The following GATM variants were observed in gnomAD, a reference collection of about 807,000 sequenced individuals.
The protein encoded by GATM is glycine amidinotransferase, mitochondrial.
Under a neutral mutation model 54.2 loss-of-function variants are expected in GATM, and 23 were observed. That is an observed-to-expected ratio of 0.42 (90% confidence interval 0.31 to 0.60). The LOEUF is 0.60. Among genes scored for constraint, GATM ranks in the 20% least tolerant of loss-of-function variants. The probability of loss-of-function intolerance (pLI) is 0.14; values close to 1 mark genes in which losing one functional copy is unlikely to be tolerated. For missense variants in GATM, 401 were observed against 544.9 expected, an observed-to-expected ratio of 0.74 and a Z score of 2.63; for synonymous variants, 168 against 183.1, an observed-to-expected ratio of 0.92 and a Z score of 0.67.
intron 3 of GATM, among the ~76,000 whole-genome samples, chr15:45,386,174 C>T (rs145982921): frequency 1.3e-5 from 2 of 152,178 alleles, no homozygotes; most frequent in East Asian, 1.9e-4. Flanking sequence ...GAAAAATAAC[C>T]GAATATGAAA....
At chr15:45,376,578 A>G in intron 2 of GATM, 23 bp downstream of exon 2, 1 of 1,608,660 alleles carries the variant, frequency 6.2e-7, no homozygotes. Context: ...GCACTTTCAG[A>G]CATGTGAATA....
At chr15:45,397,919 G>A (rs1044045529) in intron 2 of GATM, among the ~76,000 whole-genome samples, 1 of 152,174 alleles carries the variant, frequency 6.6e-6, no homozygotes, top group Non-Finnish European at 1.5e-5. Context: ...TGATATGTGG[G>A]GAACTCCCCA....
intron 3 of GATM, among the ~76,000 whole-genome samples, chr15:45,394,265 G>T (rs949139496): frequency 1.3e-5 from 2 of 152,180 alleles, no homozygotes; most frequent in African/African-American, 4.8e-5. Context: ...GATCTAGGTT[G>T]TGCGTTCCTT....
chr15:45,366,619 A>C (rs996871292), intron 4 of GATM, 111 bp from the exon 5 acceptor site: 3 of 1,207,148 alleles, frequency 2.5e-6, no homozygotes, highest in Non-Finnish European at 3.6e-6. Flanking sequence ...AAATATTACT[A>C]CTCAGTTCTA....
At chr15:45,363,604 C>A in intron 8 of GATM, 1 of 504,976 alleles carries the variant, frequency 2.0e-6, no homozygotes. Context: ...TATCTGCTCA[C>A]CTGCAAAGGG....
chr15:45,372,030 G>A (rs1889552415), intron 2 of GATM, among the ~76,000 whole-genome samples: 1 of 152,144 alleles, frequency 6.6e-6, no homozygotes, highest in Non-Finnish European at 1.5e-5. Flanking sequence ...TAAGGAATAA[G>A]CCAAGAAACA....
At chr15:45,362,263 T>A (rs368755000) in intron 8 of GATM, 42 bp from the exon 9 acceptor site, 17 of 1,214,028 alleles carry the variant, frequency 1.4e-5, no homozygotes, top group Non-Finnish European at 2.1e-5. Flanking sequence ...TGGACTAACA[T>A]GACGATTCTC....
chr15:45,388,761 G>A (rs1595489290), intron 3 of GATM, among the ~76,000 whole-genome samples: 1 of 152,040 alleles, frequency 6.6e-6, no homozygotes, highest in African/African-American at 2.4e-5. Flanking sequence ...TATCACTGAT[G>A]GTATTAACCC....
Position 45,363,943 on chromosome 15 carries a change from C to T in GATM, c.1116G>A (p.Val372=), listed in dbSNP as rs780523679. Residue 372 remains valine, a synonymous_variant, in exon 8 of 9, where the codon GTG becomes GTA. Coordinates refer to ENST00000396659, the MANE Select transcript of GATM (RefSeq NM_001482.3). ...TTTGAATTGGAACTTCATTGGCATCCACCATAACACGTTTTTCATCTAGCA... is the reference window on the plus strand; with the variant it reads ...TTTGAATTGGAACTTCATTGGCATCTACCATAACACGTTTTTCATCTAGCA... ...VLMLDEKRVM[V]DANEVPIQKM... The T allele has an allele frequency of 6.2e-7, 1 of 1,613,524 alleles. No homozygotes were observed. Among genetic ancestry groups the T allele is most frequent in the Non-Finnish European group, 8.5e-7 (1 of 1,179,712 alleles).
chr15:45,393,728 C>G (rs912385869), intron 3 of GATM, among the ~76,000 whole-genome samples: 1 of 152,144 alleles, frequency 6.6e-6, no homozygotes, highest in African/African-American at 2.4e-5. Flanking sequence ...TTGCATTATA[C>G]TTAACTGATT....
At chr15:45,373,617 A>G (rs1399391699) in intron 2 of GATM, among the ~76,000 whole-genome samples, 1 of 152,154 alleles carries the variant, frequency 6.6e-6, no homozygotes, top group Non-Finnish European at 1.5e-5. Flanking sequence ...TATGTTCCAC[A>G]TTCCTTTCCT....
chr15:45,376,484 T>C, intron 2 of GATM, 117 bp downstream of exon 2: 1 of 853,376 alleles, frequency 1.2e-6, no homozygotes, highest in Non-Finnish European at 2.0e-6. Flanking sequence ...TCAAGTAAGA[T>C]AACTTAATCA....
At chr15:45,370,909 G>C (rs149304902) in intron 2 of GATM, among the ~76,000 whole-genome samples, 155 of 152,244 alleles carry the variant, frequency 1.0e-3, no homozygotes, top group African/African-American at 3.6e-3. Flanking sequence ...GAGTAACTGG[G>C]ATTACAGGCG....
Position 45,361,566 on chromosome 15 carries a change from A to C in GATM, c.*543T>G. On this transcript the variant is annotated 3_prime_UTR_variant, in exon 9 of 9. Coordinates refer to ENST00000396659, the MANE Select transcript of GATM (RefSeq NM_001482.3). ...AAAAACAAAAAATTAAAAATTACCC[A>C]AATTCCTTATTAGAAAAAGAGACAA... 5.6e-6 allele frequency: 1 copy of C among 177,820 alleles called. No individual in the cohort carries two copies. The highest frequency in any genetic ancestry group is 1.2e-5 in the Non-Finnish European group (1 of 85,658). The allele number at this position is 177,820 out of a possible 1,614,324, so 11.0% of individuals were successfully genotyped here. A position where few individuals can be genotyped will look rare whatever the true frequency, so the allele number is the denominator to read the frequency against.
rs1595483378 is a variant in GATM, at chr15:45,368,382, C to CG, written c.485-123dup. The CG allele has an allele frequency of 2.9e-5, 23 of 794,882 alleles. No homozygotes were observed. In the East Asian group the frequency reaches 5.8e-4, roughly 20 times the overall value. The allele number at this position is 794,882 out of a possible 1,614,324, so 49.2% of individuals were successfully genotyped here. The stretch of plus-strand genomic sequence containing the variant: ...ATCCCACCACTTTGGGAGGCCAAGA[C>CG]GGGCGGATCACTTGATCCTCTTCAA... On this transcript the variant is annotated intron_variant, in intron 3 of 8. Coordinates refer to ENST00000396659, the MANE Select transcript of GATM (RefSeq NM_001482.3). The surrounding 1 kb of genome is among the most constrained non-coding windows in gnomAD (Gnocchi z 5.1).
chr15:45,384,169 A>C (rs1363504656), intron 3 of GATM, among the ~76,000 whole-genome samples: 1 of 152,244 alleles, frequency 6.6e-6, no homozygotes, highest in African/African-American at 2.4e-5. Context: ...TGCAGGGTGC[A>C]TACATGTAGT....
chr15:45,398,878 AT>A (rs1466758172), intron 2 of GATM, among the ~76,000 whole-genome samples: 2 of 152,144 alleles, frequency 1.3e-5, no homozygotes, highest in Admixed American at 6.5e-5. Flanking sequence ...ACAGGAATAT[AT>A]TTTTATATAC....
chr15:45,371,370 G>T (rs573954163), intron 2 of GATM, among the ~76,000 whole-genome samples: 11 of 152,234 alleles, frequency 7.2e-5, no homozygotes, highest in African/African-American at 2.2e-4. Context: ...GGTTAAAGCA[G>T]GTATTTTAAA....
In GATM at chr15:45,368,008, C is replaced by G. The variant is rs1889475814; in HGVS notation, c.675+62G>C. ...ATACAAGGTATCAGAGAATCTCTAT[C>G]TTACTCTTTGTGGATCATTTAGAAA... On this transcript the variant is annotated intron_variant, in intron 4 of 8. Transcript: ENST00000396659. The surrounding 1 kb of genome is among the most constrained non-coding windows in gnomAD (Gnocchi z 5.1). The G allele has an allele frequency of 4.2e-6, 6 of 1,437,672 alleles. No homozygotes were observed. The East Asian group carries it at 1.4e-4, about 33-fold the overall frequency. 89.1% of individuals were successfully genotyped at this position (1,437,672 alleles called of 1,614,324 possible).
Sources: allele counts gnomAD v4.1 joint callset (sites outside exome capture counted in the v4.1 genomes callset), GRCh38; gene constraint gnomAD v4.1.1; non-coding constraint Gnocchi (gnomAD v3.1); transcripts MANE v1.5; gene names NCBI Gene and HGNC (gene_info 2026-07-23, HGNC 2026-07-21).